The following HEMK2 variants were observed in gnomAD, a reference collection of about 807,000 sequenced individuals.
HEMK2 encodes methyltransferase HEMK2.
chr21:28,805,852 G>C, the HEMK2 span, among the ~76,000 whole-genome samples: 1 of 152,142 alleles, frequency 6.6e-6, no homozygotes, highest in Non-Finnish European at 1.5e-5. Context: ...TGTTTTAAAA[G>C]TCTACAACTG....
At chr21:28,820,096 A>G in the HEMK2 span, among the ~76,000 whole-genome samples, 3 of 152,324 alleles carry the variant, frequency 2.0e-5, no homozygotes, top group East Asian at 3.9e-4. Context: ...AAATGCTTTA[A>G]AGTGAAGGAG....
chr21:28,780,189 T>C, the HEMK2 span, among the ~76,000 whole-genome samples: 1 of 152,072 alleles, frequency 6.6e-6, no homozygotes, highest in Non-Finnish European at 1.5e-5. Flanking sequence ...ACAATTTTTT[T>C]TTTTTTGAAA....
chr21:28,601,719 T>C, the HEMK2 span, among the ~76,000 whole-genome samples: 2,692 of 150,000 alleles, frequency 0.018, 107 homozygotes, highest in African/African-American at 0.064. Context: ...AGATTTTCCA[T>C]TCACTACTGT....
the HEMK2 span, among the ~76,000 whole-genome samples, chr21:28,650,843 C>G: frequency 1.3e-5 from 2 of 152,228 alleles, no homozygotes; most frequent in South Asian, 4.1e-4. Flanking sequence ...AGGAAACAGA[C>G]AGCTGAGAAG....
the HEMK2 span, among the ~76,000 whole-genome samples, chr21:28,751,087 C>T: frequency 6.6e-5 from 10 of 151,714 alleles, no homozygotes; most frequent in East Asian, 7.8e-4. Flanking sequence ...AAAAATTAGC[C>T]GGGCGTGGTG....
At chr21:28,580,166 G>A in the HEMK2 span, among the ~76,000 whole-genome samples, 3,370 of 152,238 alleles carry the variant, frequency 0.022, 44 homozygotes, top group Middle Eastern at 0.041. Flanking sequence ...CTGAGCTGGT[G>A]GGAAGCAGTG....
At chr21:28,791,804 G>C in the HEMK2 span, among the ~76,000 whole-genome samples, 3 of 152,072 alleles carry the variant, frequency 2.0e-5, no homozygotes, top group Non-Finnish European at 4.4e-5. Flanking sequence ...AGGGGACGGG[G>C]AAAATGAGGA....
At chr21:28,694,514 C>G in the HEMK2 span, among the ~76,000 whole-genome samples, 1 of 152,268 alleles carries the variant, frequency 6.6e-6, no homozygotes, top group South Asian at 2.1e-4. Flanking sequence ...GTTCTCAAAA[C>G]CAGCCATAAT....
chr21:28,726,952 A>G, the HEMK2 span, among the ~76,000 whole-genome samples: 4 of 152,078 alleles, frequency 2.6e-5, no homozygotes, highest in South Asian at 8.3e-4. Flanking sequence ...AAATCATTGT[A>G]AAAGAATGTG....
the HEMK2 span, among the ~76,000 whole-genome samples, chr21:28,651,244 C>T: frequency 2.0e-5 from 3 of 152,174 alleles, no homozygotes; most frequent in Non-Finnish European, 4.4e-5. Context: ...GAGAAGTATT[C>T]CTTTTCCCCC....
chr21:28,606,705 C>G, the HEMK2 span, among the ~76,000 whole-genome samples: 2 of 152,072 alleles, frequency 1.3e-5, no homozygotes, highest in Non-Finnish European at 2.9e-5. Flanking sequence ...CTCAATGTGC[C>G]AAGCAATATG....
the HEMK2 span, among the ~76,000 whole-genome samples, chr21:28,669,423 T>G: frequency 6.6e-6 from 1 of 152,110 alleles, no homozygotes; most frequent in Non-Finnish European, 1.5e-5. Context: ...CCCCTCTGTG[T>G]TTTCATATCT....
chr21:28,809,219 A>T, the HEMK2 span, among the ~76,000 whole-genome samples: 1 of 150,212 alleles, frequency 6.7e-6, no homozygotes, highest in African/African-American at 2.4e-5. Context: ...AATTAGTGGT[A>T]GGAAAGATAG....
chr21:28,757,788 T>C, the HEMK2 span, among the ~76,000 whole-genome samples: 1 of 152,120 alleles, frequency 6.6e-6, no homozygotes, highest in Admixed American at 6.6e-5. Context: ...GGGGTTTCCA[T>C]GAAGGAGTGT....
At chr21:28,601,268 G>T in the HEMK2 span, among the ~76,000 whole-genome samples, 1 of 152,100 alleles carries the variant, frequency 6.6e-6, no homozygotes, top group Non-Finnish European at 1.5e-5. Context: ...CTCCAAATCT[G>T]CCAGTGGCTT....
the HEMK2 span, among the ~76,000 whole-genome samples, chr21:28,687,587 T>A: frequency 3.0e-5 from 3 of 98,842 alleles, no homozygotes; most frequent in Non-Finnish European, 5.3e-5. Context: ...CCAGACCAAC[T>A]TGTTTTTTTC....
the HEMK2 span, among the ~76,000 whole-genome samples, chr21:28,579,797 G>A: frequency 6.6e-6 from 1 of 151,972 alleles, no homozygotes; most frequent in Admixed American, 6.6e-5. Context: ...ATTACCCTTG[G>A]GGCATGCAAA....
chr21:28,831,463 G>GAAAAGAAAAGA, the HEMK2 span, among the ~76,000 whole-genome samples: 549 of 10,790 alleles, frequency 0.051, 22 homozygotes, highest in Non-Finnish European at 0.067. Flanking sequence ...AGAAAAGAAC[G>GAAAAGAAAAGA]AAAGAAAGAA....
At chr21:28,741,760 C>A in the HEMK2 span, among the ~76,000 whole-genome samples, 1 of 152,196 alleles carries the variant, frequency 6.6e-6, no homozygotes, top group Admixed American at 6.5e-5. Flanking sequence ...GCATAGTATT[C>A]CATGGTGTAT....
Sources: gnomAD v4.1 joint callset for allele counts (sites outside exome capture counted in the v4.1 genomes callset) on GRCh38, gnomAD v4.1.1 for gene constraint, MANE v1.5 for transcripts, NCBI Gene and HGNC (gene_info 2026-07-23, HGNC 2026-07-21) for gene names.